The following UBR1 variants were observed in gnomAD, a reference collection of about 807,000 sequenced individuals.
The protein encoded by UBR1 is E3 ubiquitin-protein ligase UBR1.
Under a neutral mutation model 242.1 loss-of-function variants are expected in UBR1, and 102 were observed. The observed-to-expected ratio is 0.42, with a 90% CI of 0.36 to 0.50. UBR1 has a LOEUF of 0.50. Ranked by LOEUF, UBR1 falls within the 20% of genes least tolerant of loss-of-function variation. The pLI, the probability that UBR1 is intolerant of heterozygous loss-of-function variation, is 0.01. For synonymous variants in UBR1, 675 were observed against 684.8 expected, an observed-to-expected ratio of 0.99 and a Z score of 0.22; for missense variants, 1,772 against 2,101.8, an observed-to-expected ratio of 0.84 and a Z score of 3.07.
intron 1 of UBR1, among the ~76,000 whole-genome samples, chr15:43,091,759 C>T (rs2034107769): frequency 6.6e-6 from 1 of 151,680 alleles, no homozygotes; most frequent in Admixed American, 6.6e-5. Context: ...TGGTGAAACC[C>T]CGTCTCTACT....
At chr15:43,022,866 AT>A (rs1428368094) in intron 25 of UBR1, 65 bp from the exon 26 acceptor site, 15 of 1,084,972 alleles carry the variant, frequency 1.4e-5, no homozygotes, top group Non-Finnish European at 1.9e-5. Context: ...TTTTAATTTA[AT>A]TTTAATTTTT....
At chr15:42,958,279 G>T (rs1332687388) in intron 43 of UBR1, among the ~76,000 whole-genome samples, 189 bp from the exon 44 acceptor site, 1 of 152,148 alleles carries the variant, frequency 6.6e-6, no homozygotes, top group Non-Finnish European at 1.5e-5. Flanking sequence ...TCATCAGCTG[G>T]ATTCCTTTCC....
At chr15:43,057,762 T>G (rs1427037619) in intron 10 of UBR1, among the ~76,000 whole-genome samples, 3 of 152,214 alleles carry the variant, frequency 2.0e-5, no homozygotes, top group Admixed American at 1.3e-4. Flanking sequence ...AAATAAATGA[T>G]TAGGAAGACT....
chr15:42,946,404 G>A (rs1432192840), intron 46 of UBR1, among the ~76,000 whole-genome samples: 1 of 152,168 alleles, frequency 6.6e-6, no homozygotes, highest in Non-Finnish European at 1.5e-5. Context: ...GGGATTACAG[G>A]CGTGAACCAC....
chr15:43,098,854 AC>A (rs1349557110), intron 1 of UBR1, among the ~76,000 whole-genome samples: 1 of 152,230 alleles, frequency 6.6e-6, no homozygotes, highest in Non-Finnish European at 1.5e-5. Context: ...GTGACAAAGT[AC>A]TTCAGTTAGA....
At chr15:43,078,388 C>A (rs1425548899) in intron 3 of UBR1, among the ~76,000 whole-genome samples, 3 of 152,060 alleles carry the variant, frequency 2.0e-5, no homozygotes, top group African/African-American at 7.2e-5. Context: ...ACATCACCAC[C>A]ACTAATATCA....
At position 43,014,907 on chromosome 15, in the gene UBR1, C is replaced by T. The variant is rs553262246; in HGVS notation, c.3209+781G>A. 4.3e-3 allele frequency among the ~76,000 whole-genome samples: 647 copies of T among 150,472 alleles called. 3 individuals carry two copies. The highest frequency in any genetic ancestry group is 0.015 in the African/African-American group (614 of 40,868). ...GGGGGTCAGCCCCCGCCCGGCCAGCCACCCCGTCCGGGAGGGAGGTGTGGG... is the reference window on the plus strand; with the variant it reads ...GGGGGTCAGCCCCCGCCCGGCCAGCTACCCCGTCCGGGAGGGAGGTGTGGG... On this transcript the variant is annotated intron_variant, in intron 29 of 46. Transcript: ENST00000290650.
intron 1 of UBR1, among the ~76,000 whole-genome samples, chr15:43,099,066 G>A (rs1369519699): frequency 2.6e-5 from 4 of 152,172 alleles, no homozygotes; most frequent in African/African-American, 9.7e-5. Flanking sequence ...CCCAGGCACG[G>A]TGGCTCACAT....
chr15:43,051,305 G>T (rs1335358638), intron 12 of UBR1, among the ~76,000 whole-genome samples: 1 of 152,154 alleles, frequency 6.6e-6, no homozygotes, highest in Non-Finnish European at 1.5e-5. Flanking sequence ...ATTATCCTTA[G>T]CAAACTAACG....
At chr15:42,979,128 C>T (rs1169594618) in intron 37 of UBR1, among the ~76,000 whole-genome samples, 2 of 151,710 alleles carry the variant, frequency 1.3e-5, no homozygotes, top group African/African-American at 2.4e-5. Flanking sequence ...CTCTTGACCT[C>T]GTGATCCACC....
chr15:42,990,409 G>C (rs902419884), intron 33 of UBR1, among the ~76,000 whole-genome samples: 6 of 152,104 alleles, frequency 3.9e-5, no homozygotes, highest in African/African-American at 1.4e-4. Flanking sequence ...AACTCCTTAA[G>C]AGATCCTCCC....
At chr15:42,973,111 T>C (rs2032233249) in intron 39 of UBR1, among the ~76,000 whole-genome samples, 1 of 152,234 alleles carries the variant, frequency 6.6e-6, no homozygotes, top group African/African-American at 2.4e-5. Context: ...TTGAACATTA[T>C]GATCACTTAC....
intron 33 of UBR1, among the ~76,000 whole-genome samples, chr15:42,992,520 T>C (rs1164161545): frequency 1.3e-5 from 2 of 152,234 alleles, no homozygotes; most frequent in African/African-American, 4.8e-5. Flanking sequence ...TGTGGTGTTT[T>C]GATCTGCCCA....
intron 15 of UBR1, among the ~76,000 whole-genome samples, chr15:43,040,807 A>G (rs1022470817): frequency 2.0e-5 from 3 of 152,250 alleles, no homozygotes; most frequent in Non-Finnish European, 4.4e-5. Context: ...TTCTCAAAAG[A>G]AGACATTTAT....
intron 37 of UBR1, among the ~76,000 whole-genome samples, chr15:42,982,116 T>C (rs1269014223): frequency 1.3e-5 from 2 of 152,132 alleles, no homozygotes; most frequent in African/African-American, 4.8e-5. Context: ...TAAGGGATCC[T>C]CCCCCTCAGG....
At chr15:43,083,201 C>T (rs756129657) in intron 2 of UBR1, among the ~76,000 whole-genome samples, 5 of 152,148 alleles carry the variant, frequency 3.3e-5, no homozygotes, top group African/African-American at 7.2e-5. Flanking sequence ...GTGTCCCGAA[C>T]ACCTGCAATG....
At chr15:43,054,995 A>G (rs2033599573) in intron 11 of UBR1, 96 bp from the exon 12 acceptor site, 1 of 1,356,568 alleles carries the variant, frequency 7.4e-7, no homozygotes, top group African/African-American at 1.4e-5. Flanking sequence ...TGTCATTTTT[A>G]ATAAATGTTT....
intron 11 of UBR1, among the ~76,000 whole-genome samples, chr15:43,055,101 A>T (rs985451807): frequency 6.6e-6 from 1 of 152,226 alleles, no homozygotes; most frequent in Non-Finnish European, 1.5e-5. Flanking sequence ...CTCAGTAACT[A>T]GACAACACCT....
At chr15:43,038,998 T>C (rs2412749) in intron 15 of UBR1, among the ~76,000 whole-genome samples, 147 of 151,046 alleles carry the variant, frequency 9.7e-4, no homozygotes, top group South Asian at 2.9e-3. Flanking sequence ...TTTTTATTTT[T>C]ATTAAAAAGG....
Sources: allele counts gnomAD v4.1 joint callset (sites outside exome capture counted in the v4.1 genomes callset), GRCh38; gene constraint gnomAD v4.1.1; transcripts MANE v1.5; gene names NCBI Gene and HGNC (gene_info 2026-07-23, HGNC 2026-07-21).